The following SCD5 variants were observed in gnomAD, a reference collection of about 807,000 sequenced individuals.
SCD5 encodes acyl-CoA-desaturase 4.
In SCD5, 20 loss-of-function variants were observed where a neutral mutation model predicts 30.4. The observed-to-expected ratio is 0.66, with a 90% CI of 0.46 to 0.96. SCD5 has a LOEUF of 0.96. Among genes scored for constraint, SCD5 ranks in the 40% least tolerant of loss-of-function variants. The pLI is 0.00. For synonymous variants in SCD5, 173 were observed against 176.4 expected (o/e 0.98, Z 0.16); for missense variants, 381 against 443.3 (o/e 0.86, Z 1.26).
At chr4:82,742,935 A>G (rs1302934579) in intron 1 of SCD5, among the ~76,000 whole-genome samples, 2 of 152,008 alleles carry the variant, frequency 1.3e-5, no homozygotes, top group Non-Finnish European at 2.9e-5. Flanking sequence ...TAACTCCCCA[A>G]TTACCCACCC....
At chr4:82,646,132 C>T (rs1403803402) in intron 3 of SCD5, among the ~76,000 whole-genome samples, 2 of 152,186 alleles carry the variant, frequency 1.3e-5, no homozygotes, top group Non-Finnish European at 2.9e-5. Flanking sequence ...CCCACAAATG[C>T]ACTGTAATGA....
At chr4:82,704,877 T>G (rs945548875) in intron 2 of SCD5, among the ~76,000 whole-genome samples, 29 of 152,166 alleles carry the variant, frequency 1.9e-4, no homozygotes, top group Admixed American at 3.9e-4. Flanking sequence ...TGAACCTCAT[T>G]CTCCTCATCT....
chr4:82,749,484 T>C (rs758142632), intron 1 of SCD5, among the ~76,000 whole-genome samples: 21 of 152,214 alleles, frequency 1.4e-4, no homozygotes, highest in Non-Finnish European at 2.4e-4. Context: ...CAATTTGGGA[T>C]ATTTTGGGAT....
chr4:82,731,909 G>A (rs1355706565), intron 1 of SCD5, among the ~76,000 whole-genome samples: 1 of 152,070 alleles, frequency 6.6e-6, no homozygotes, highest in Non-Finnish European at 1.5e-5. Flanking sequence ...TTTGTGAAAG[G>A]CAAGCTGTCA....
intron 1 of SCD5, among the ~76,000 whole-genome samples, chr4:82,760,070 G>C (rs922550824): frequency 6.6e-6 from 1 of 152,000 alleles, no homozygotes; most frequent in Non-Finnish European, 1.5e-5. Context: ...CCATCTCCCT[G>C]TCTCTAGTGC....
At chr4:82,659,702 T>C (rs1348820328) in intron 3 of SCD5, among the ~76,000 whole-genome samples, 2 of 152,198 alleles carry the variant, frequency 1.3e-5, no homozygotes, top group Non-Finnish European at 2.9e-5. Flanking sequence ...AAGACTGTTA[T>C]GATTTCCATT....
intron 1 of SCD5, among the ~76,000 whole-genome samples, chr4:82,723,716 C>T (rs1230689159): frequency 6.6e-6 from 1 of 152,216 alleles, no homozygotes; most frequent in Non-Finnish European, 1.5e-5. Context: ...CGGTAAGACT[C>T]ACCTCGCAGT....
intron 1 of SCD5, among the ~76,000 whole-genome samples, chr4:82,779,389 A>T (rs893639394): frequency 1.2e-4 from 19 of 152,168 alleles, no homozygotes; most frequent in African/African-American, 4.1e-4. Flanking sequence ...AAGGAAACAG[A>T]TTACCCACGA....
chr4:82,712,243 C>CATATATAT lies in SCD5; in HGVS notation c.233-6838_233-6831dup, dbSNP rs762732703. On this transcript the variant is annotated intron_variant, in intron 1 of 4. Coordinates refer to ENST00000319540, the MANE Select transcript of SCD5 (RefSeq NM_001037582.3). The stretch of plus-strand genomic sequence containing the variant: ...ATAGGTCTGGGGAGGGACCAACTAA[C>CATATATAT]ATATATATATATATATATATATATA... Among the ~76,000 whole-genome samples the CATATATAT allele has an allele frequency of 1.7e-3, 48 of 28,818 alleles. 1 individual carries two copies. The highest frequency in any genetic ancestry group is 3.2e-3 in the East Asian group (4 of 1,264). The allele number at this position is 28,818 out of a possible 152,430, so 18.9% of individuals were successfully genotyped here.
intron 3 of SCD5, among the ~76,000 whole-genome samples, chr4:82,653,390 C>T (rs183089912): frequency 3.6e-4 from 55 of 152,248 alleles, no homozygotes; most frequent in African/African-American, 1.3e-3. Flanking sequence ...TCTCCCTGCC[C>T]GAGCTCCCAC....
At chr4:82,641,579 G>C (rs188239443) in intron 3 of SCD5, among the ~76,000 whole-genome samples, 23 of 152,254 alleles carry the variant, frequency 1.5e-4, no homozygotes, top group African/African-American at 5.5e-4. Flanking sequence ...GGGGGCAGGG[G>C]TACCCACAAA....
chr4:82,717,655 C>T (rs902789163), intron 1 of SCD5, among the ~76,000 whole-genome samples: 3 of 151,618 alleles, frequency 2.0e-5, no homozygotes, highest in Non-Finnish European at 2.9e-5. Context: ...GTGGCTCACG[C>T]CTGTAATCCC....
intron 4 of SCD5, among the ~76,000 whole-genome samples, chr4:82,631,746 A>G (rs1026372173): frequency 6.6e-6 from 1 of 152,240 alleles, no homozygotes; most frequent in Non-Finnish European, 1.5e-5. Context: ...TCCTATGTGA[A>G]CTGCAGACAT....
chr4:82,674,864 G>A (rs1003006660), intron 3 of SCD5, among the ~76,000 whole-genome samples: 5 of 152,176 alleles, frequency 3.3e-5, no homozygotes, highest in Non-Finnish European at 5.9e-5. Flanking sequence ...AGTGAAAGAA[G>A]CCAATCTGAG....
intron 3 of SCD5, among the ~76,000 whole-genome samples, chr4:82,680,372 C>G (rs562422140): frequency 1.6e-4 from 25 of 152,260 alleles, no homozygotes; most frequent in Admixed American, 2.6e-4. Flanking sequence ...AGCCAGCCCC[C>G]CTTCTGCTAC....
rs550750862 is a variant in SCD5 at position 82,793,539 on chromosome 4, G to A, written c.232+4767C>T. Reference sequence around the variant, plus strand: ...TTTTCTATGCAAGAGAGGCTGTGAAGCCAAGTTCTGTGCCATCTTTGTGGA... The same window carrying A: ...TTTTCTATGCAAGAGAGGCTGTGAAACCAAGTTCTGTGCCATCTTTGTGGA... On this transcript the variant is annotated intron_variant, in intron 1 of 4. Coordinates refer to ENST00000319540, the MANE Select transcript of SCD5 (RefSeq NM_001037582.3). Among the ~76,000 whole-genome samples, 13 of 152,358 alleles carry A rather than the reference G, an allele frequency of 8.5e-5. No individual in the cohort carries two copies. The East Asian group carries it at 2.5e-3, about 29-fold the overall frequency.
chr4:82,766,113 G>T lies in SCD5; in HGVS notation c.232+32193C>A, dbSNP rs554527329. On this transcript the variant is annotated intron_variant, in intron 1 of 4. Coordinates refer to ENST00000319540, the MANE Select transcript of SCD5 (RefSeq NM_001037582.3). ...ATTTCTTGTATTTATAGTTTGTTGA[G>T]CTTCTTGAATAAGTGGAATTTTTTA... 1.5e-3 allele frequency among the ~76,000 whole-genome samples: 231 copies of T among 152,216 alleles called. 1 individual carries two copies. The highest frequency in any genetic ancestry group is 0.013 in the South Asian group (61 of 4,822).
At chr4:82,712,297 T>TATACATATATA (rs1560540874) in intron 1 of SCD5, among the ~76,000 whole-genome samples, 2 of 33,740 alleles carry the variant, frequency 5.9e-5, no homozygotes, top group Admixed American at 3.7e-4. Flanking sequence ...TATATATATA[T>TATACATATATA]TTTATTTTTA....
intron 1 of SCD5, among the ~76,000 whole-genome samples, chr4:82,755,532 T>C (rs1167859071): frequency 6.6e-6 from 1 of 151,916 alleles, no homozygotes; most frequent in African/African-American, 2.4e-5. Flanking sequence ...AGGGGTGGTG[T>C]AGATGTGGGG....
Sources: allele counts gnomAD v4.1 joint callset (sites outside exome capture counted in the v4.1 genomes callset), GRCh38; gene constraint gnomAD v4.1.1; transcripts MANE v1.5; gene names NCBI Gene and HGNC (gene_info 2026-07-23, HGNC 2026-07-21).